Variants in MINAR1 observed in about 807,000 individuals in gnomAD.
The protein encoded by MINAR1 is membrane integral NOTCH2 associated receptor 1.
MINAR1 carries 40 observed loss-of-function variants against 65.1 expected under a neutral mutation model. The ratio of observed to expected loss-of-function variants is 0.61; its 90% CI spans 0.48 to 0.80. The LOEUF is 0.80. Ranked by LOEUF, MINAR1 falls within the 30% of genes least tolerant of loss-of-function variation. MINAR1 has a pLI of 0.00. For missense variants in MINAR1, 1,128 were observed against 1,148.0 expected (o/e 0.98, Z 0.25); for synonymous variants, 482 against 449.1 (o/e 1.07, Z -0.93).
At chr15:79,459,041 G>A (rs996002012) in intron 2 of MINAR1, among the ~76,000 whole-genome samples, 5 of 152,156 alleles carry the variant, frequency 3.3e-5, no homozygotes, top group Admixed American at 3.3e-4. Context: ...TTAGCCAGGT[G>A]TGGTAACACA....
intron 3 of MINAR1, among the ~76,000 whole-genome samples, chr15:79,467,736 G>A (rs1196790719): frequency 6.6e-6 from 1 of 152,182 alleles, no homozygotes; most frequent in African/African-American, 2.4e-5. Context: ...AAGCTTTTCT[G>A]AGAAAGAAGA....
In MINAR1 at chr15:79,470,382, T is replaced by A. The variant is rs1896036863; in HGVS notation, c.*1998T>A. On this transcript the variant is annotated 3_prime_UTR_variant, in exon 4 of 4. Coordinates refer to ENST00000305428, the MANE Select transcript of MINAR1 (RefSeq NM_015206.3). ...ATTCTCCTCTTTATCACAGATGAAG[T>A]GCCAGAGCATCAGAGATAGGTAGCT... 1.3e-5 allele frequency: 2 copies of A among 152,224 alleles called. No individual in the cohort carries two copies. Among genetic ancestry groups the A allele is most frequent in the African/African-American group, 4.8e-5 (2 of 41,446 alleles). 9.4% of individuals were successfully genotyped at this position (152,224 alleles called of 1,614,324 possible).
intron 2 of MINAR1, among the ~76,000 whole-genome samples, chr15:79,460,580 CTTTCCCTACCGGGGA>C (rs2141299849): frequency 6.6e-6 from 1 of 152,298 alleles, no homozygotes; most frequent in Admixed American, 6.5e-5. Flanking sequence ...AGTCAAGGCT[CTTTCCCTACCGGGGA>C]TCCTTGGGCA....
rs1487540089 is a variant in MINAR1 at position 79,468,467 on chromosome 15, A to G, written c.*83A>G. The G allele has an allele frequency of 4.6e-5, 56 of 1,223,248 alleles. No individual in the cohort carries two copies. Among genetic ancestry groups the G allele is most frequent in the Non-Finnish European group, 5.8e-5 (51 of 871,952 alleles). The allele number at this position is 1,223,248 out of a possible 1,614,324, so 75.8% of individuals were successfully genotyped here. ...AGAATCTTGCAGCAGTGAGGCAACAATTTGTTGAAATGGAGATGAAATCAT... is the reference window on the plus strand; with the variant it reads ...AGAATCTTGCAGCAGTGAGGCAACAGTTTGTTGAAATGGAGATGAAATCAT... On this transcript the variant is annotated 3_prime_UTR_variant, in exon 4 of 4. Coordinates refer to ENST00000305428, the MANE Select transcript of MINAR1 (RefSeq NM_015206.3).
chr15:79,426,606 A>G, the MINAR1 span: 1 of 152,268 alleles, frequency 6.6e-6, no homozygotes, highest in African/African-American at 2.4e-5. Flanking sequence ...TCAGTGGAGC[A>G]TGGATTAACT....
intron 1 of MINAR1, among the ~76,000 whole-genome samples, chr15:79,454,922 T>TAAAAG (rs5813972): frequency 0.39 from 59,010 of 151,648 alleles, 11,546 homozygotes; most frequent in East Asian, 0.64. Flanking sequence ...CATTTTACAT[T>TAAAAG]AAAATCTGTG....
At position 79,456,195 on chromosome 15, in the gene MINAR1, G is replaced by A. The variant is rs1895403797; in HGVS notation, c.48G>A (p.Glu16=). 1 of 1,613,972 alleles carries A rather than the reference G, an allele frequency of 6.2e-7. No individual in the cohort carries two copies. ...ETSLFLVKIL[E]ELDSKQNTVS... ...CCCTCTTCTTGGTGAAGATCTTGGA[G>A]GAACTGGACAGCAAGCAAAATACCG... is the stretch of plus-strand genomic sequence containing the variant. The change falls in exon 2 of 4, where the codon GAG becomes GAA. Residue 16 remains glutamate, a synonymous_variant. Transcript: ENST00000305428.
chr15:79,443,104 C>T lies in MINAR1; in HGVS notation c.-51+10564C>T, dbSNP rs79660430. On this transcript the variant is annotated intron_variant, in intron 1 of 3. Transcript: ENST00000305428. ...TTGCCTGTACTCACAGGAGGGCAGG[C>T]GGAGGACACCACAGGCCACACAGGG... Among the ~76,000 whole-genome samples, 572 of 152,166 alleles carry T rather than the reference C, an allele frequency of 3.8e-3. 5 individuals are homozygous for T. Among genetic ancestry groups the T allele is most frequent in the African/African-American group, 0.013 (546 of 41,498 alleles).
At chr15:79,463,007 C>T (rs1895701817) in intron 2 of MINAR1, 60 bp from the exon 3 acceptor site, 2 of 1,559,526 alleles carry the variant, frequency 1.3e-6, no homozygotes, top group South Asian at 1.2e-5. Context: ...TGCTCAATTG[C>T]ACTGTGAAAT....
At chr15:79,414,196 C>G in the MINAR1 span, 4 of 152,302 alleles carry the variant, frequency 2.6e-5, no homozygotes, top group South Asian at 8.3e-4. Flanking sequence ...CTTTCTTTCT[C>G]TCCTGGAAGC....
chr15:79,424,628 C>A, the MINAR1 span: 1 of 152,210 alleles, frequency 6.6e-6, no homozygotes, highest in Non-Finnish European at 1.5e-5. Flanking sequence ...AGAGATGATT[C>A]TATAAACATG....
intron 3 of MINAR1, among the ~76,000 whole-genome samples, chr15:79,465,273 C>T (rs73483646): frequency 0.023 from 3,447 of 152,166 alleles, 142 homozygotes; most frequent in African/African-American, 0.078. Flanking sequence ...TTTTTCTTTT[C>T]ATCTCTTTGC....
chr15:79,457,472 C>T lies in MINAR1; in HGVS notation c.1325C>T (p.Ser442Phe), dbSNP rs1228331831. The T allele has an allele frequency of 6.2e-6, 10 of 1,614,056 alleles. No homozygotes were observed. Among genetic ancestry groups the T allele is most frequent in the Non-Finnish European group, 8.5e-6 (10 of 1,180,028 alleles). Residue 442 changes from serine (S) to phenylalanine (F), a missense_variant, in exon 2 of 4, where the codon TCC (serine) becomes TTC (phenylalanine). Physicochemically the swap from Ser to Phe is radical, Grantham distance 155. Transcript: ENST00000305428. ...QNGLKSKEIS[S>F]PVDLEKHEPV... ...GGGCTCAAATCTAAAGAGATCTCAT[C>T]CCCTGTTGACCTGGAGAAGCATGAA... is the stretch of plus-strand genomic sequence containing the variant.
chr15:79,470,222 C>T lies in MINAR1; in HGVS notation c.*1838C>T, dbSNP rs1896029925. On this transcript the variant is annotated 3_prime_UTR_variant, in exon 4 of 4. Transcript: ENST00000305428. ...ATCATCAGAATTATAGTCTTTGGTG[C>T]TCTGTTTTCAATGGGGCATATTACA... 1.3e-5 allele frequency: 2 copies of T among 152,492 alleles called. No homozygotes were observed. Among genetic ancestry groups the T allele is most frequent in the Admixed American group, 1.3e-4 (2 of 15,264 alleles). 9.4% of individuals were successfully genotyped at this position (152,492 alleles called of 1,614,324 possible).
chr15:79,436,236 T>C lies in MINAR1; in HGVS notation c.-51+3696T>C, dbSNP rs528862363. Among the ~76,000 whole-genome samples, 19 of 152,344 alleles carry C rather than the reference T, an allele frequency of 1.2e-4. No individual in the cohort carries two copies. The South Asian group carries it at 2.1e-3, about 17-fold the overall frequency. The stretch of plus-strand genomic sequence containing the variant: ...TAGCATACGTGACTGATGCAACATG[T>C]AAAGAACTTAGGATCATACTGGCTG... On this transcript the variant is annotated intron_variant, in intron 1 of 3. Coordinates refer to ENST00000305428, the MANE Select transcript of MINAR1 (RefSeq NM_015206.3).
At chr15:79,442,202 G>A (rs1421863846) in intron 1 of MINAR1, among the ~76,000 whole-genome samples, 9 of 151,726 alleles carry the variant, frequency 5.9e-5, no homozygotes, top group South Asian at 4.2e-4. Flanking sequence ...ATCTTGACTC[G>A]AATTTTCTGC....
upstream of MINAR1, among the ~76,000 whole-genome samples, chr15:79,427,942 G>A (rs1894348777): frequency 6.6e-6 from 1 of 152,112 alleles, no homozygotes; most frequent in Non-Finnish European, 1.5e-5. Flanking sequence ...CTAATCACGG[G>A]GTACCCATGC....
intron 2 of MINAR1, among the ~76,000 whole-genome samples, chr15:79,458,894 A>C (rs969982578): frequency 6.6e-6 from 1 of 152,204 alleles, no homozygotes; most frequent in Non-Finnish European, 1.5e-5. Context: ...TTCCTTTTTA[A>C]GTATGAGGTT....
In MINAR1 at chr15:79,457,654, A is replaced by G. The variant is rs778472194; in HGVS notation, c.1507A>G (p.Thr503Ala). ...SGQGKYSDRH[T>A]MKHSDDDSEI... is the part of the protein sequence containing the mutation. ...TCAGGGCAAGTACAGTGACAGGCAC[A>G]CCATGAAGCACTCAGACGATGACTC... is the stretch of plus-strand genomic sequence containing the variant. Residue 503 changes from threonine (T) to alanine (A), a missense_variant, in exon 2 of 4, where the codon ACC becomes GCC. Coordinates refer to ENST00000305428, the MANE Select transcript of MINAR1 (RefSeq NM_015206.3). 6 of 1,614,220 alleles carry G rather than the reference A, an allele frequency of 3.7e-6. No homozygotes were observed. In the South Asian group the frequency reaches 6.6e-5, roughly 18 times the overall value.
Sources: allele counts gnomAD v4.1 joint callset (sites outside exome capture counted in the v4.1 genomes callset), GRCh38; gene constraint gnomAD v4.1.1; transcripts MANE v1.5; gene names NCBI Gene and HGNC (gene_info 2026-07-23, HGNC 2026-07-21).